The following NCKAP5 variants were observed in gnomAD, a reference collection of about 807,000 sequenced individuals.
NCKAP5 encodes nck-associated protein 5.
In NCKAP5, 92 loss-of-function variants were observed where a neutral mutation model predicts 167.0. The ratio of observed to expected loss-of-function variants is 0.55; its 90% CI spans 0.47 to 0.66. The LOEUF (loss-of-function observed/expected upper bound fraction) is 0.66, where lower values mean the gene tolerates loss of function less well. Among genes scored for constraint, NCKAP5 ranks in the 30% least tolerant of loss-of-function variants. The pLI, the probability that NCKAP5 is intolerant of heterozygous loss-of-function variation, is 0.00. For missense variants in NCKAP5, 2,378 were observed against 2,315.0 expected (o/e 1.03, Z -0.56); for synonymous variants, 891 against 877.4 (o/e 1.02, Z -0.27).
chr2:132,913,715 C>T (rs1383361822), intron 8 of NCKAP5, among the ~76,000 whole-genome samples: 1 of 151,986 alleles, frequency 6.6e-6, no homozygotes, highest in Admixed American at 6.5e-5. Flanking sequence ...CAAGACAGTA[C>T]CTTGCATAAT....
chr2:133,421,910 C>CA (rs1227504576), intron 3 of NCKAP5, among the ~76,000 whole-genome samples: 3 of 152,234 alleles, frequency 2.0e-5, no homozygotes, highest in African/African-American at 7.2e-5. Context: ...CTGCTCTATT[C>CA]AATTCAACTC....
intron 3 of NCKAP5, among the ~76,000 whole-genome samples, chr2:133,363,244 A>G (rs1438586172): frequency 6.6e-6 from 1 of 152,166 alleles, no homozygotes; most frequent in Non-Finnish European, 1.5e-5. Context: ...ACTCTTTACC[A>G]CTGACTAGTT....
At chr2:132,833,859 T>C (rs1293603874) in intron 11 of NCKAP5, among the ~76,000 whole-genome samples, 2 of 152,196 alleles carry the variant, frequency 1.3e-5, no homozygotes, top group Non-Finnish European at 2.9e-5. Flanking sequence ...TTTCATTCCA[T>C]ATGAATGTTA....
intron 3 of NCKAP5, among the ~76,000 whole-genome samples, chr2:133,371,861 C>T (rs1219132533): frequency 6.6e-6 from 1 of 152,116 alleles, no homozygotes; most frequent in African/African-American, 2.4e-5. Flanking sequence ...GCCATCCCAA[C>T]CCTGTTTATT....
the NCKAP5 span, among the ~76,000 whole-genome samples, chr2:133,586,276 C>A: frequency 1.3e-5 from 2 of 152,144 alleles, no homozygotes; most frequent in African/African-American, 4.8e-5. Context: ...ACGTGATCTG[C>A]GGCCCAATAA....
intron 11 of NCKAP5, among the ~76,000 whole-genome samples, chr2:132,816,933 C>A (rs2105297629): frequency 6.6e-6 from 1 of 152,296 alleles, no homozygotes; most frequent in South Asian, 2.1e-4. Context: ...TAAATAAGAG[C>A]ATTCCATTTC....
the NCKAP5 span, among the ~76,000 whole-genome samples, chr2:133,664,245 A>C: frequency 1.3e-5 from 2 of 152,038 alleles, no homozygotes; most frequent in Non-Finnish European, 2.9e-5. Flanking sequence ...TGTCATTCAG[A>C]CTTCATTATT....
chr2:133,587,429 C>T, the NCKAP5 span, among the ~76,000 whole-genome samples: 1 of 152,130 alleles, frequency 6.6e-6, no homozygotes, highest in African/African-American at 2.4e-5. Context: ...TACAACACAC[C>T]CAGTTTGGGA....
At chr2:133,215,818 C>CAA (rs1559278603) in intron 4 of NCKAP5, among the ~76,000 whole-genome samples, 1 of 151,900 alleles carries the variant, frequency 6.6e-6, no homozygotes, top group Non-Finnish European at 1.5e-5. Context: ...ACATGGATAT[C>CAA]AAAAAGGAAG....
At position 133,471,223 on chromosome 2, in the gene NCKAP5, C is replaced by G. The variant is rs74445666; in HGVS notation, c.69+46235G>C. Among the ~76,000 whole-genome samples the G allele has an allele frequency of 3.7e-3, 559 of 152,282 alleles. 9 individuals are homozygous for G. The highest frequency in any genetic ancestry group is 0.013 in the African/African-American group (536 of 41,566). On this transcript the variant is annotated intron_variant, in intron 3 of 19. Coordinates refer to ENST00000409261, the MANE Select transcript of NCKAP5 (RefSeq NM_207363.3). ...GCACCATCCTTGGGTGCACACCCCTCTTTTGTGGGTGTGCTTACCTGTCAT... is the reference window on the plus strand; with the variant it reads ...GCACCATCCTTGGGTGCACACCCCTGTTTTGTGGGTGTGCTTACCTGTCAT...
intron 3 of NCKAP5, among the ~76,000 whole-genome samples, chr2:133,392,421 C>G (rs1044364543): frequency 6.6e-5 from 10 of 152,124 alleles, no homozygotes; most frequent in Admixed American, 3.3e-4. Flanking sequence ...CCTAATGATG[C>G]ATTTCTCAGA....
intron 8 of NCKAP5, among the ~76,000 whole-genome samples, chr2:132,888,423 T>C (rs968220471): frequency 1.3e-5 from 2 of 152,200 alleles, no homozygotes; most frequent in African/African-American, 4.8e-5. Flanking sequence ...ACAGGGTCTC[T>C]TGCCACTCAG....
intron 16 of NCKAP5, among the ~76,000 whole-genome samples, chr2:132,753,696 T>A (rs577787264): frequency 1.3e-5 from 2 of 152,300 alleles, no homozygotes; most frequent in East Asian, 3.9e-4. Flanking sequence ...TTTGAGGGAA[T>A]GTTTTTCAAG....
chr2:133,313,574 T>G (rs1681400355), intron 3 of NCKAP5, among the ~76,000 whole-genome samples: 1 of 152,098 alleles, frequency 6.6e-6, no homozygotes, highest in African/African-American at 2.4e-5. Flanking sequence ...TATAGCAGCT[T>G]GGGAGATAAA....
intron 16 of NCKAP5, among the ~76,000 whole-genome samples, chr2:132,754,941 T>C (rs1559013385): frequency 6.6e-6 from 1 of 152,240 alleles, no homozygotes; most frequent in Non-Finnish European, 1.5e-5. Context: ...GCTCATCAAA[T>C]GGAAAGCCCA....
intron 8 of NCKAP5, among the ~76,000 whole-genome samples, chr2:132,884,880 A>C (rs768346771): frequency 4.8e-4 from 73 of 152,224 alleles, no homozygotes; most frequent in Non-Finnish European, 4.1e-4. Context: ...AAAACACTGC[A>C]ATCGATCCAT....
chr2:133,669,335 A>C, the NCKAP5 span, among the ~76,000 whole-genome samples: 1 of 152,108 alleles, frequency 6.6e-6, no homozygotes. Context: ...CATTTTTGTC[A>C]GTGCTTTCTT....
intron 19 of NCKAP5, among the ~76,000 whole-genome samples, chr2:132,706,354 G>A (rs1688360489): frequency 6.6e-6 from 1 of 152,216 alleles, no homozygotes; most frequent in South Asian, 2.1e-4. Flanking sequence ...TCTGCTGATG[G>A]AAGGAGGCTG....
intron 3 of NCKAP5, among the ~76,000 whole-genome samples, chr2:133,426,734 AAG>A (rs1384665864): frequency 1.4e-4 from 21 of 152,210 alleles, no homozygotes; most frequent in Admixed American, 4.6e-4. Context: ...TTTAGTTAAT[AAG>A]AGTGTATCAT....
Sources: gnomAD v4.1 joint callset for allele counts (sites outside exome capture counted in the v4.1 genomes callset) on GRCh38, gnomAD v4.1.1 for gene constraint, MANE v1.5 for transcripts, NCBI Gene and HGNC (gene_info 2026-07-23, HGNC 2026-07-21) for gene names.